SREK1IP1: variants seen among roughly 807,000 people sequenced by gnomAD.
SREK1IP1 encodes protein SREK1IP1.
Under a neutral mutation model 22.8 loss-of-function variants are expected in SREK1IP1, and 12 were observed. The ratio of observed to expected loss-of-function variants is 0.53; its 90% confidence interval spans 0.34 to 0.85. The LOEUF is 0.85. Ranked by LOEUF, SREK1IP1 falls within the 40% of genes least tolerant of loss-of-function variation. SREK1IP1 has a pLI of 0.02. For synonymous variants in SREK1IP1, 53 were observed against 52.7 expected, an observed-to-expected ratio of 1.01 and a Z score of -0.02; for missense variants, 147 against 171.8, an observed-to-expected ratio of 0.86 and a Z score of 0.81.
intron 1 of SREK1IP1, among the ~76,000 whole-genome samples, chr5:64,758,184 T>A: frequency 6.6e-6 from 1 of 151,918 alleles, no homozygotes; most frequent in East Asian, 1.9e-4. Context: ...CCCTTCTTTT[T>A]TTGAGACTGA....
intron 2 of SREK1IP1, among the ~76,000 whole-genome samples, chr5:64,746,927 C>T (rs912667850): frequency 7.2e-5 from 11 of 152,114 alleles, no homozygotes; most frequent in Non-Finnish European, 1.3e-4. Context: ...TTCTCAAATT[C>T]GAAAATTTGC....
At chr5:64,737,385 T>A (rs1319537914) in intron 3 of SREK1IP1, among the ~76,000 whole-genome samples, 1 of 150,634 alleles carries the variant, frequency 6.6e-6, no homozygotes, top group African/African-American at 2.4e-5. Context: ...AAACTTGAGA[T>A]AAATGAAATT....
chr5:64,728,024 A>G, intron 4 of SREK1IP1, 83 bp downstream of exon 4: 1 of 1,078,288 alleles, frequency 9.3e-7, no homozygotes, highest in South Asian at 4.2e-5. Context: ...TAAATTAACT[A>G]TTATACACAA....
intron 1 of SREK1IP1, among the ~76,000 whole-genome samples, chr5:64,760,506 G>A (rs996815041): frequency 1.3e-5 from 2 of 152,092 alleles, no homozygotes; most frequent in African/African-American, 4.8e-5. Flanking sequence ...TTCCCTTCAG[G>A]TGCACTAGGA....
intron 1 of SREK1IP1, among the ~76,000 whole-genome samples, chr5:64,763,156 T>G (rs1396291839): frequency 6.6e-6 from 1 of 152,194 alleles, no homozygotes; most frequent in African/African-American, 2.4e-5. Flanking sequence ...TTTACTGATA[T>G]GAGATTTATA....
chr5:64,730,773 G>T (rs1172655751), intron 3 of SREK1IP1, among the ~76,000 whole-genome samples: 1 of 152,120 alleles, frequency 6.6e-6, no homozygotes, highest in African/African-American at 2.4e-5. Flanking sequence ...TGAGATTAGG[G>T]ATCATGAATT....
intron 3 of SREK1IP1, among the ~76,000 whole-genome samples, chr5:64,729,704 G>A (rs562457253): frequency 1.1e-3 from 161 of 152,236 alleles, no homozygotes; most frequent in African/African-American, 3.7e-3. Context: ...ATGGTGTCCT[G>A]AGGTGATATG....
Position 64,720,779 on chromosome 5 carries a change from A to T in SREK1IP1, c.*3605T>A, listed in dbSNP as rs569327112. The T allele has an allele frequency of 6.6e-6, 1 of 152,500 alleles. No individual in the cohort carries two copies. The highest frequency in any genetic ancestry group is 2.4e-5 in the African/African-American group (1 of 41,572). The allele number at this position is 152,500 out of a possible 1,614,324, so 9.4% of individuals were successfully genotyped here. On this transcript the variant is annotated 3_prime_UTR_variant, in exon 5 of 5. Transcript: ENST00000513458. ...CGCCTCAGCCTCCCAAAGTGCTGGG[A>T]TTACAGGCGTGAGCCACTGTGCCCG...
In SREK1IP1 at chr5:64,722,759, G is replaced by A. The variant is rs549305042; in HGVS notation, c.*1625C>T. ...ATTAGGTTATGGAAGGGTTGAAAGC[G>A]TGAGAGCTCTCATGGCTGCAATGCA... On this transcript the variant is annotated 3_prime_UTR_variant, in exon 5 of 5. Transcript: ENST00000513458. The A allele has an allele frequency of 4.6e-5, 7 of 152,302 alleles. No individual in the cohort carries two copies. Among genetic ancestry groups the A allele is most frequent in the South Asian group, 2.1e-4 (1 of 4,814 alleles). The allele number at this position is 152,302 out of a possible 1,614,324, so 9.4% of individuals were successfully genotyped here.
chr5:64,730,140 A>T (rs1742351068), intron 3 of SREK1IP1, among the ~76,000 whole-genome samples: 1 of 152,184 alleles, frequency 6.6e-6, no homozygotes, highest in Admixed American at 6.5e-5. Context: ...ACTGACAAAG[A>T]AGGGCCACGG....
chr5:64,762,631 A>G (rs952925062), intron 1 of SREK1IP1, among the ~76,000 whole-genome samples: 11 of 152,258 alleles, frequency 7.2e-5, no homozygotes, highest in African/African-American at 2.4e-4. Flanking sequence ...ACAAAGCAGT[A>G]GAAATTAGTC....
chr5:64,746,615 A>C (rs543007357), intron 2 of SREK1IP1, among the ~76,000 whole-genome samples: 1 of 152,214 alleles, frequency 6.6e-6, no homozygotes, highest in Non-Finnish European at 1.5e-5. Context: ...AAAGAAATGC[A>C]AATCAAAACC....
chr5:64,735,301 G>A (rs575878745), intron 3 of SREK1IP1, among the ~76,000 whole-genome samples: 2 of 151,716 alleles, frequency 1.3e-5, no homozygotes, highest in South Asian at 4.2e-4. Context: ...ATTCTCTTAA[G>A]AATTTTTACA....
At chr5:64,739,330 T>C (rs942358083) in intron 3 of SREK1IP1, among the ~76,000 whole-genome samples, 1 of 152,074 alleles carries the variant, frequency 6.6e-6, no homozygotes, top group African/African-American at 2.4e-5. Context: ...GAACCTATGT[T>C]TTACCCTCTC....
chr5:64,734,402 G>A (rs956380312), intron 3 of SREK1IP1, among the ~76,000 whole-genome samples: 1 of 151,806 alleles, frequency 6.6e-6, no homozygotes, highest in Admixed American at 6.6e-5. Context: ...GAATTGGCTT[G>A]TCAATTTTTT....
intron 2 of SREK1IP1, among the ~76,000 whole-genome samples, chr5:64,741,547 T>C (rs2112097389): frequency 6.6e-6 from 1 of 152,290 alleles, no homozygotes; most frequent in South Asian, 2.1e-4. Context: ...AATACCATCA[T>C]ACTTGGGATT....
chr5:64,765,516 C>G (rs543248145), intron 1 of SREK1IP1, among the ~76,000 whole-genome samples: 3 of 152,002 alleles, frequency 2.0e-5, no homozygotes, highest in African/African-American at 2.4e-5. Flanking sequence ...CCTTTAATAC[C>G]CTGTCTGGAT....
At position 64,718,669 on chromosome 5, in the gene SREK1IP1, T is replaced by C. The variant is rs1247016759; in HGVS notation, c.*5715A>G. ...AGTTCTCTGGTCCCACCTAATGCTATCACATTAATACCACCTAGAAATCTA... is the reference window on the plus strand; with the variant it reads ...AGTTCTCTGGTCCCACCTAATGCTACCACATTAATACCACCTAGAAATCTA... On this transcript the variant is annotated 3_prime_UTR_variant, in exon 5 of 5. Coordinates refer to ENST00000513458, the MANE Select transcript of SREK1IP1 (RefSeq NM_173829.4). The C allele has an allele frequency of 6.6e-6, 1 of 152,178 alleles. No homozygotes were observed. Among genetic ancestry groups the C allele is most frequent in the African/African-American group, 2.4e-5 (1 of 41,462 alleles). 9.4% of individuals were successfully genotyped at this position (152,178 alleles called of 1,614,324 possible).
chr5:64,746,628 A>T (rs2112101318), intron 2 of SREK1IP1, among the ~76,000 whole-genome samples: 1 of 152,302 alleles, frequency 6.6e-6, no homozygotes, highest in South Asian at 2.1e-4. Flanking sequence ...TCAAAACCAC[A>T]ATGAGGTACC....
Sources: allele counts gnomAD v4.1 joint callset (sites outside exome capture counted in the v4.1 genomes callset), GRCh38; gene constraint gnomAD v4.1.1; transcripts MANE v1.5; gene names NCBI Gene and HGNC (gene_info 2026-07-23, HGNC 2026-07-21).